Variants in AP1S3 observed in about 807,000 individuals in gnomAD.
AP1S3 encodes adaptor related protein complex 1 subunit sigma 3, also known as AP-1 complex subunit sigma-3.
AP1S3 carries 10 observed loss-of-function variants against 20.9 expected under a neutral mutation model. The ratio of observed to expected loss-of-function variants is 0.48; its 90% CI spans 0.29 to 0.81. The LOEUF is 0.81. Among genes scored for constraint, AP1S3 ranks in the 30% least tolerant of loss-of-function variants. The pLI is 0.08. For missense variants in AP1S3, 154 were observed against 183.8 expected, an observed-to-expected ratio of 0.84 and a Z score of 0.94; for synonymous variants, 41 against 61.5, an observed-to-expected ratio of 0.67 and a Z score of 1.56.
chr2:223,770,148 G>C, intron 3 of AP1S3: 1 of 1,534,716 alleles, frequency 6.5e-7, no homozygotes, highest in Non-Finnish European at 8.8e-7. Flanking sequence ...AATCACAATA[G>C]ATTAGACATC....
At chr2:223,789,720 C>T (rs1691167069) in intron 1 of AP1S3, among the ~76,000 whole-genome samples, 1 of 149,402 alleles carries the variant, frequency 6.7e-6, no homozygotes, top group African/African-American at 2.5e-5. Flanking sequence ...TGCCTATGGT[C>T]CCAGCTACTC....
intron 1 of AP1S3, among the ~76,000 whole-genome samples, chr2:223,784,059 G>T (rs1179923034): frequency 2.6e-5 from 1 of 38,346 alleles, no homozygotes; most frequent in Non-Finnish European, 5.2e-5. Flanking sequence ...TCCCAAACCC[G>T]ATCAGCACCC....
intron 3 of AP1S3, among the ~76,000 whole-genome samples, chr2:223,766,419 G>GCTCTTTAGTTTA (rs1167982243): frequency 6.6e-6 from 1 of 152,156 alleles, no homozygotes; most frequent in Non-Finnish European, 1.5e-5. Flanking sequence ...CTGTGCAGAA[G>GCTCTTTAGTTTA]CTCTTTAGTT....
chr2:223,803,788 G>A (rs552838815), intron 1 of AP1S3, among the ~76,000 whole-genome samples: 2 of 151,788 alleles, frequency 1.3e-5, no homozygotes, highest in African/African-American at 2.4e-5. Flanking sequence ...GCTGAGGCAG[G>A]AGAATGGTGT....
At chr2:223,808,855 G>A (rs1457663421) in intron 1 of AP1S3, among the ~76,000 whole-genome samples, 1 of 152,082 alleles carries the variant, frequency 6.6e-6, no homozygotes, top group East Asian at 1.9e-4. Context: ...AATTAGCTGG[G>A]TGTGGAGGAA....
At chr2:223,836,588 A>C (rs1692400609) in intron 1 of AP1S3, among the ~76,000 whole-genome samples, 1 of 152,138 alleles carries the variant, frequency 6.6e-6, no homozygotes, top group Non-Finnish European at 1.5e-5. Context: ...AAAAATACAA[A>C]AATTAGCTGG....
chr2:223,826,393 G>C (rs1271641362), intron 1 of AP1S3, among the ~76,000 whole-genome samples: 1 of 152,096 alleles, frequency 6.6e-6, no homozygotes, highest in Non-Finnish European at 1.5e-5. Flanking sequence ...AGGAGTTCGA[G>C]ACCAGCCTGG....
At chr2:223,827,022 G>A (rs1469723065) in intron 1 of AP1S3, among the ~76,000 whole-genome samples, 4 of 152,168 alleles carry the variant, frequency 2.6e-5, no homozygotes, top group East Asian at 3.9e-4. Context: ...TGTAAGAGGC[G>A]GGCAATGGTA....
rs1024786155 is a variant in AP1S3 at position 223,765,278 on chromosome 2, C to T, written c.364G>A (p.Glu122Lys). The T allele has an allele frequency of 6.2e-7, 1 of 1,613,904 alleles. No homozygotes were observed. Among genetic ancestry groups the T allele is most frequent in the African/African-American group, 1.3e-5 (1 of 74,884 alleles). ...ATTTTCTTGGATGTTTCCTGAATTT[C>T]CCCACCTATTATAAACTCGTCCAGG... ...FILDEFIIGGEIQETSKKIAV... is the reference protein window; with the variant it reads ...FILDEFIIGGKIQETSKKIAV... The change falls in exon 4 of 5, where the codon GAA becomes AAA. Residue 122 changes from glutamate (E) to lysine (K), a missense_variant. Transcript: ENST00000396654.
chr2:223,820,967 C>T (rs1219292010), intron 1 of AP1S3, among the ~76,000 whole-genome samples: 1 of 152,122 alleles, frequency 6.6e-6, no homozygotes, highest in East Asian at 1.9e-4. Flanking sequence ...CTCTAACATA[C>T]TTTCAGGGCC....
At chr2:223,776,279 C>A (rs1247932265) in intron 2 of AP1S3, 4 of 481,020 alleles carry the variant, frequency 8.3e-6, no homozygotes, top group Non-Finnish European at 1.6e-5. Context: ...GGACAGTATC[C>A]TTTCGCTCTT....
chr2:223,837,569 C>G lies in AP1S3; in HGVS notation c.-119G>C, dbSNP rs1007162217. ...GTGAGGCGCCCGGCTTAGACCATGG[C>G]TGCTTCCCACAATGCCCTGGCACTG... On this transcript the variant is annotated 5_prime_UTR_variant, in exon 1 of 5. Coordinates refer to ENST00000396654, the MANE Select transcript of AP1S3 (RefSeq NM_001039569.2). 2 of 582,802 alleles carry G rather than the reference C, an allele frequency of 3.4e-6. No homozygotes were observed. The highest frequency in any genetic ancestry group is 1.9e-5 in the African/African-American group (1 of 51,724). The allele number at this position is 582,802 out of a possible 1,614,324, so 36.1% of individuals were successfully genotyped here.
At chr2:223,783,358 T>G (rs189858441) in intron 1 of AP1S3, among the ~76,000 whole-genome samples, 37 of 152,260 alleles carry the variant, frequency 2.4e-4, no homozygotes, top group Non-Finnish European at 5.1e-4. Context: ...TTGAGAGGTC[T>G]CACTTGTTAA....
intron 1 of AP1S3, among the ~76,000 whole-genome samples, chr2:223,822,553 G>A (rs1159752788): frequency 4.6e-5 from 7 of 152,006 alleles, no homozygotes; most frequent in Non-Finnish European, 7.4e-5. Flanking sequence ...GCATGGTGGT[G>A]CATTCCTGTA....
chr2:223,808,457 T>C (rs1013265708), intron 1 of AP1S3, among the ~76,000 whole-genome samples: 1 of 152,194 alleles, frequency 6.6e-6, no homozygotes, highest in Non-Finnish European at 1.5e-5. Context: ...ATCCATAAAT[T>C]ACCTGAAACA....
chr2:223,832,133 C>CTGTGTGTGTG (rs1482045373), intron 1 of AP1S3, among the ~76,000 whole-genome samples: 1 of 43,018 alleles, frequency 2.3e-5, no homozygotes, highest in East Asian at 5.1e-4. Context: ...GGAGTTTTCT[C>CTGTGTGTGTG]TCTGTGTGTG....
chr2:223,835,844 C>A (rs548585597), intron 1 of AP1S3, among the ~76,000 whole-genome samples: 96 of 152,242 alleles, frequency 6.3e-4, no homozygotes, highest in African/African-American at 2.2e-3. Flanking sequence ...TTCCTCAGCA[C>A]AAAAGCAGCC....
chr2:223,820,109 A>G (rs1012456720), intron 1 of AP1S3, among the ~76,000 whole-genome samples: 1 of 152,176 alleles, frequency 6.6e-6, no homozygotes, highest in Non-Finnish European at 1.5e-5. Context: ...GCACTTTGAT[A>G]TCAATTTTAC....
At position 223,756,609 on chromosome 2, in the gene AP1S3, T is replaced by C; in HGVS notation, c.*2106A>G. On this transcript the variant is annotated 3_prime_UTR_variant, in exon 5 of 5. Transcript: ENST00000396654. ...AGCTGATGCCATAATTGTAATTACATGGTAACCTGAAGAAATATTGGATAG... is the reference window on the plus strand; with the variant it reads ...AGCTGATGCCATAATTGTAATTACACGGTAACCTGAAGAAATATTGGATAG... The C allele has an allele frequency of 2.0e-6, 2 of 985,302 alleles. No homozygotes were observed. Among genetic ancestry groups the C allele is most frequent in the Non-Finnish European group, 2.4e-6 (2 of 829,818 alleles). The allele number at this position is 985,302 out of a possible 1,614,324, so 61.0% of individuals were successfully genotyped here. A position where few individuals can be genotyped will look rare whatever the true frequency, so the allele number is the denominator to read the frequency against.
Sources: gnomAD v4.1 joint callset for allele counts (sites outside exome capture counted in the v4.1 genomes callset) on GRCh38, gnomAD v4.1.1 for gene constraint, MANE v1.5 for transcripts, NCBI Gene and HGNC (gene_info 2026-07-23, HGNC 2026-07-21) for gene names.